UVSSA: variants seen among roughly 807,000 people sequenced by gnomAD.
The protein encoded by UVSSA is UV stimulated scaffold protein A, also known as UV-stimulated scaffold protein A.
UVSSA carries 72 observed loss-of-function variants against 73.9 expected under a neutral mutation model. The observed-to-expected ratio is 0.97, with a 90% confidence interval of 0.81 to 1.19. UVSSA has a LOEUF of 1.19. UVSSA is among the 50% of genes most tolerant of loss of function. The probability of loss-of-function intolerance (pLI) is 0.00; values close to 1 mark genes in which losing one functional copy is unlikely to be tolerated. For missense variants in UVSSA, 1,150 were observed against 965.0 expected (o/e 1.19, Z -2.54); for synonymous variants, 454 against 391.3 (o/e 1.16, Z -1.89).
exon 14 of UVSSA, chr4:1,395,043 G>C: frequency 7.1e-7 from 1 of 1,399,406 alleles, no homozygotes; most frequent in Middle Eastern, 1.9e-4. Context: ...TGGAGTGCCC[G>C]CCTGCTCACA....
Position 1,366,394 on chromosome 4 carries a change from T to C in UVSSA, c.1251T>C (p.Tyr417=). The C allele has an allele frequency of 2.5e-6, 4 of 1,611,880 alleles. No individual in the cohort carries two copies. The highest frequency in any genetic ancestry group is 3.4e-6 in the Non-Finnish European group (4 of 1,178,306). Residue 417 remains tyrosine, a synonymous_variant, in exon 8 of 14, where the codon TAT becomes TAC. Transcript: ENST00000389851. ...TGGAGGTCCCTGAGAAGGAGGGGTATGAGCCACACATCCCCGACCACTTGC... is the reference window on the plus strand; with the variant it reads ...TGGAGGTCCCTGAGAAGGAGGGGTACGAGCCACACATCCCCGACCACTTGC... ...DFVEVPEKEG[Y]EPHIPDHLRP...
Position 1,355,115 on chromosome 4 carries a change from A to G in UVSSA, c.1048-2A>G. 1.2e-6 allele frequency: 2 copies of G among 1,613,454 alleles called. No homozygotes were observed. Among genetic ancestry groups the G allele is most frequent in the Non-Finnish European group, 1.7e-6 (2 of 1,179,806 alleles). The stretch of plus-strand genomic sequence containing the variant: ...TGAGCTGTTCGCACCCCCGTTTCGC[A>G]GCGCTTCACCCGCGTCGGGACCCAC... On this transcript the variant is annotated splice_acceptor_variant, in intron 6 of 13. Coordinates refer to ENST00000389851, the MANE Select transcript of UVSSA (RefSeq NM_020894.4). LOFTEE classifies it high-confidence loss of function.
chr4:1,371,591 G>A (rs1240712628), intron 8 of UVSSA, among the ~76,000 whole-genome samples: 4 of 152,210 alleles, frequency 2.6e-5, no homozygotes, highest in Admixed American at 1.3e-4. Flanking sequence ...CATGGCTGGG[G>A]AGGCCTCACA....
At chr4:1,342,305 G>T (rs1426044946), upstream of UVSSA, among the ~76,000 whole-genome samples, 1 of 152,194 alleles carries the variant, frequency 6.6e-6, no homozygotes, top group Non-Finnish European at 1.5e-5. Context: ...GTGCACTGGG[G>T]CCACAGTGTG....
rs147251189 is a variant in UVSSA at position 1,385,903 on chromosome 4, G to C, written c.2072G>C (p.Arg691Pro). 6.2e-7 allele frequency: 1 copy of C among 1,613,926 alleles called. No homozygotes were observed. The highest frequency in any genetic ancestry group is 1.3e-5 in the African/African-American group (1 of 74,946). ...CGGAGGGTAGTGGCAGCCATGAACC[G>C]GATGGACCAGAAGAAGCACGAGAAG... Reference protein sequence around the residue: ...AVRRVVAAMNRMDQKKHEKFS... With the variant: ...AVRRVVAAMNPMDQKKHEKFS... The change falls in exon 14 of 14, where the codon CGG becomes CCG. Residue 691 changes from arginine to proline, a missense_variant. By Grantham distance (103) the Arg-to-Pro change is moderately radical (BLOSUM62 -2). Coordinates refer to ENST00000389851, the MANE Select transcript of UVSSA (RefSeq NM_020894.4).
At chr4:1,371,133 T>A (rs766031750) in intron 8 of UVSSA, among the ~76,000 whole-genome samples, 3 of 152,220 alleles carry the variant, frequency 2.0e-5, no homozygotes, top group Non-Finnish European at 4.4e-5. Context: ...AGTGACAGCA[T>A]GCCTGTAAGT....
chr4:1,348,622 C>T (rs927413118), intron 2 of UVSSA, among the ~76,000 whole-genome samples: 5 of 152,318 alleles, frequency 3.3e-5, no homozygotes, highest in East Asian at 3.9e-4. Context: ...GGATCTCTGC[C>T]GTCACCCTCA....
At position 1,375,463 on chromosome 4, in the gene UVSSA, AGCT is replaced by A; in HGVS notation, c.1391_1393del (p.Leu464del). 6.2e-7 allele frequency: 1 copy of A among 1,612,680 alleles called. No individual in the cohort carries two copies. The highest frequency in any genetic ancestry group is 8.5e-7 in the Non-Finnish European group (1 of 1,179,974). ...TCGGACCCCACCTCTGCGGCTGCTC[AGCT>A]GCGGCAGCTCCGGGACCACTTGCCT... On this transcript the variant is annotated inframe_deletion, in exon 9 of 14. Transcript: ENST00000389851.
chr4:1,361,461 G>A (rs537907442), intron 7 of UVSSA, among the ~76,000 whole-genome samples: 1 of 152,374 alleles, frequency 6.6e-6, no homozygotes, highest in African/African-American at 2.4e-5. Context: ...TGCTTCAGCA[G>A]AACCTCCAGG....
intron 3 of UVSSA, 66 bp downstream of exon 3, chr4:1,349,920 G>A (rs1714430168): frequency 1.4e-6 from 2 of 1,383,648 alleles, no homozygotes. Context: ...GACGATACCA[G>A]GGTGAAGATG....
chr4:1,343,516 CA>C (rs1306450826), upstream of UVSSA, among the ~76,000 whole-genome samples: 4 of 152,158 alleles, frequency 2.6e-5, no homozygotes. Context: ...TATCTTCCTG[CA>C]GATTTAGATC....
rs777371047 is a variant in UVSSA, at chr4:1,366,272, C to G, written c.1177-48C>G. 16 of 1,448,370 alleles carry G rather than the reference C, an allele frequency of 1.1e-5. No individual in the cohort carries two copies. In the South Asian group the frequency reaches 2.0e-4, roughly 18 times the overall value. The allele number at this position is 1,448,370 out of a possible 1,614,324, so 89.7% of individuals were successfully genotyped here. On this transcript the variant is annotated intron_variant, in intron 7 of 13. Transcript: ENST00000389851. ...GGCTCTGCCCACCGGGAGCTGTGTT[C>G]ATACACAGGGTCTGGGGGTTGATTT...
chr4:1,372,453 T>C (rs1718174228), intron 8 of UVSSA, among the ~76,000 whole-genome samples: 1 of 152,208 alleles, frequency 6.6e-6, no homozygotes, highest in Admixed American at 6.5e-5. Context: ...TGGTCACTCT[T>C]CATTGTAGAA....
chr4:1,359,499 C>G (rs1433563861), intron 7 of UVSSA: 2 of 152,198 alleles, frequency 1.3e-5, no homozygotes, highest in South Asian at 4.1e-4. Flanking sequence ...TATTAATTTC[C>G]TATCAGCCAG....
At chr4:1,357,747 C>T (rs1016093682) in intron 7 of UVSSA, among the ~76,000 whole-genome samples, 3 of 152,254 alleles carry the variant, frequency 2.0e-5, no homozygotes, top group Admixed American at 1.3e-4. Flanking sequence ...CTCAGGAGTG[C>T]TGGCCTCCCA....
At chr4:1,366,549 G>C in intron 8 of UVSSA, 118 bp downstream of exon 8, 1 of 703,222 alleles carries the variant, frequency 1.4e-6, no homozygotes, top group Non-Finnish European at 2.4e-6. Context: ...GGTAACTGCT[G>C]CTTTGGTTTA....
intron 4 of UVSSA, 111 bp from the exon 5 acceptor site, chr4:1,352,918 TG>T: frequency 7.1e-7 from 1 of 1,401,628 alleles, no homozygotes; most frequent in Non-Finnish European, 9.6e-7. Context: ...GCATTCCACC[TG>T]GTGCTGAAAA....
chr4:1,353,977 C>T (rs1428041958), intron 5 of UVSSA, among the ~76,000 whole-genome samples: 1 of 152,244 alleles, frequency 6.6e-6, no homozygotes, highest in Non-Finnish European at 1.5e-5. Context: ...CCCAAGCCCC[C>T]TGCTGCCCCC....
At chr4:1,368,393 C>T (rs1185637906) in intron 8 of UVSSA, among the ~76,000 whole-genome samples, 1 of 152,240 alleles carries the variant, frequency 6.6e-6, no homozygotes, top group Admixed American at 6.5e-5. Context: ...AGGCCAGAAG[C>T]GAAACTCAAA....
Sources: gnomAD v4.1 joint callset for allele counts (sites outside exome capture counted in the v4.1 genomes callset) on GRCh38, gnomAD v4.1.1 for gene constraint, MANE v1.5 for transcripts, NCBI Gene and HGNC (gene_info 2026-07-23, HGNC 2026-07-21) for gene names.